The following GNB1 variants were observed in gnomAD, a reference collection of about 807,000 sequenced individuals.
GNB1 encodes G protein subunit beta 1.
In GNB1, 2 loss-of-function variants were observed where a neutral mutation model predicts 42.9. That is an observed-to-expected ratio of 0.05 (90% CI 0.02 to 0.15). GNB1 has a LOEUF of 0.15. Ranked by LOEUF, GNB1 falls within the 10% of genes least tolerant of loss-of-function variation. The probability of loss-of-function intolerance (pLI) is 1.00; values close to 1 mark genes in which losing one functional copy is unlikely to be tolerated. For missense variants in GNB1, 193 were observed against 462.2 expected (o/e 0.42, Z 5.34); for synonymous variants, 183 against 174.7 (o/e 1.05, Z -0.38).
chr1:1,804,716 G>A (rs1413396330), intron 6 of GNB1, 135 bp from the exon 7 acceptor site: 12 of 650,318 alleles, frequency 1.8e-5, no homozygotes, highest in Non-Finnish European at 2.9e-5. Flanking sequence ...TCTAGAGAGC[G>A]ATTCCCATAT....
At chr1:1,841,423 G>A (rs890494588) in intron 1 of GNB1, among the ~76,000 whole-genome samples, 1 of 152,122 alleles carries the variant, frequency 6.6e-6, no homozygotes. Flanking sequence ...CAGGTAATCC[G>A]CCTGTTTCAG....
intron 1 of GNB1, among the ~76,000 whole-genome samples, chr1:1,850,599 T>C (rs1647928660): frequency 6.6e-6 from 1 of 152,106 alleles, no homozygotes; most frequent in Non-Finnish European, 1.5e-5. Context: ...AATTTAACTT[T>C]TTCTAGAGTT....
At chr1:1,845,558 G>A (rs1647599489) in intron 1 of GNB1, among the ~76,000 whole-genome samples, 1 of 152,018 alleles carries the variant, frequency 6.6e-6, no homozygotes, top group Non-Finnish European at 1.5e-5. Flanking sequence ...GGGTGACAGT[G>A]CGAGACTCCG....
chr1:1,813,416 A>G (rs1388311620), intron 5 of GNB1, among the ~76,000 whole-genome samples: 1 of 151,908 alleles, frequency 6.6e-6, no homozygotes, highest in Non-Finnish European at 1.5e-5. Flanking sequence ...CAGCCAGAAC[A>G]TTTTTTAAAA....
chr1:1,832,063 C>CA (rs574314079), intron 2 of GNB1, among the ~76,000 whole-genome samples: 30,239 of 86,576 alleles, frequency 0.35, 3,805 homozygotes, highest in Non-Finnish European at 0.39. Context: ...GACCTTGTCT[C>CA]AAAAAAAAAA....
chr1:1,888,613 G>A (rs1292923305), intron 1 of GNB1, among the ~76,000 whole-genome samples: 1 of 152,154 alleles, frequency 6.6e-6, no homozygotes, highest in African/African-American at 2.4e-5. Flanking sequence ...CAAGGCGGGT[G>A]AATCACCTGA....
At position 1,785,931 on chromosome 1, in the gene GNB1, G is replaced by C; in HGVS notation, c.*1132C>G. ...ACGAGAAGTGGACAGAGCCGCAATGGTTACAACTGTAAGAGGTTATTTCTT... is the reference window on the plus strand; with the variant it reads ...ACGAGAAGTGGACAGAGCCGCAATGCTTACAACTGTAAGAGGTTATTTCTT... On this transcript the variant is annotated 3_prime_UTR_variant, in exon 12 of 12. Coordinates refer to ENST00000378609, the MANE Select transcript of GNB1 (RefSeq NM_002074.5). 1 of 398,870 alleles carries C rather than the reference G, an allele frequency of 2.5e-6. No individual in the cohort carries two copies. The highest frequency in any genetic ancestry group is 4.4e-6 in the Non-Finnish European group (1 of 226,058). 24.7% of individuals were successfully genotyped at this position (398,870 alleles called of 1,614,324 possible).
chr1:1,855,131 C>T (rs766971921), intron 1 of GNB1, among the ~76,000 whole-genome samples: 9 of 148,692 alleles, frequency 6.1e-5, no homozygotes, highest in Non-Finnish European at 1.3e-4. Context: ...TGCACTCCAG[C>T]CTGGGCAACA....
At chr1:1,854,272 T>A (rs1302993623) in intron 1 of GNB1, among the ~76,000 whole-genome samples, 1 of 151,940 alleles carries the variant, frequency 6.6e-6, no homozygotes, top group Non-Finnish European at 1.5e-5. Context: ...CTGAGCGGGG[T>A]CCCAAGGACA....
chr1:1,800,044 A>G (rs771082723), intron 7 of GNB1, among the ~76,000 whole-genome samples: 1 of 152,226 alleles, frequency 6.6e-6, no homozygotes, highest in Non-Finnish European at 1.5e-5. Context: ...TGCCTGATAC[A>G]ATGACACTAA....
intron 10 of GNB1, chr1:1,788,205 T>C (rs1327294407): frequency 6.6e-6 from 1 of 152,320 alleles, no homozygotes; most frequent in Admixed American, 6.5e-5. Context: ...CACTGTCATG[T>C]GATGAGGGGG....
intron 1 of GNB1, among the ~76,000 whole-genome samples, chr1:1,865,496 G>C (rs540017834): frequency 1.3e-5 from 2 of 152,112 alleles, no homozygotes; most frequent in Non-Finnish European, 2.9e-5. Flanking sequence ...TGAGGCAGGA[G>C]AATCGCTTGA....
At chr1:1,834,575 G>A (rs1257120412) in intron 2 of GNB1, among the ~76,000 whole-genome samples, 1 of 152,000 alleles carries the variant, frequency 6.6e-6, no homozygotes, top group Non-Finnish European at 1.5e-5. Flanking sequence ...GAAATGAATG[G>A]CATCCATCCA....
intron 1 of GNB1, among the ~76,000 whole-genome samples, chr1:1,859,187 A>G (rs2101625117): frequency 6.6e-6 from 1 of 152,120 alleles, no homozygotes; most frequent in Non-Finnish European, 1.5e-5. Context: ...AAGCCCGGCT[A>G]ATTTTTATAT....
intron 6 of GNB1, among the ~76,000 whole-genome samples, chr1:1,804,818 A>G (rs1463775394): frequency 6.6e-6 from 1 of 152,220 alleles, no homozygotes; most frequent in Admixed American, 6.5e-5. Flanking sequence ...TACTGAAGTC[A>G]CAACTTATGA....
intron 3 of GNB1, among the ~76,000 whole-genome samples, chr1:1,819,067 A>G (rs1246170345): frequency 6.6e-6 from 1 of 152,148 alleles, no homozygotes; most frequent in Non-Finnish European, 1.5e-5. Context: ...AAGTGTCTTC[A>G]TTACTAAGGG....
intron 2 of GNB1, among the ~76,000 whole-genome samples, chr1:1,833,925 T>TG (rs1180761799): frequency 6.6e-6 from 1 of 152,086 alleles, no homozygotes. Context: ...CAGGGAAACA[T>TG]GTTCAATGAC....
chr1:1,802,605 C>T (rs1476999087), intron 7 of GNB1, among the ~76,000 whole-genome samples: 2 of 151,978 alleles, frequency 1.3e-5, no homozygotes, highest in East Asian at 1.9e-4. Context: ...CCCGTCTCTA[C>T]TAAAAATACA....
rs1248878492 is a variant in GNB1, at chr1:1,790,019, T to C, written c.699+376A>G. Among the ~76,000 whole-genome samples the C allele has an allele frequency of 1.3e-5, 2 of 152,202 alleles. No homozygotes were observed. ...TAAGTCTCCTCACAAGGCCAGGGGC[T>C]GGAAACACTGCCTAGCCATCCGCGT... On this transcript the variant is annotated intron_variant, in intron 9 of 11. Coordinates refer to ENST00000378609, the MANE Select transcript of GNB1 (RefSeq NM_002074.5). The surrounding 1 kb of genome is among the most constrained non-coding windows in gnomAD (Gnocchi z 5.4).
Sources: gnomAD v4.1 joint callset for allele counts (sites outside exome capture counted in the v4.1 genomes callset) on GRCh38, gnomAD v4.1.1 for gene constraint, Gnocchi (gnomAD v3.1) non-coding constraint, MANE v1.5 for transcripts, NCBI Gene and HGNC (gene_info 2026-07-23, HGNC 2026-07-21) for gene names.